Variants in CREB1 observed in about 807,000 individuals in gnomAD.
CREB1 encodes the protein cyclic AMP-responsive element-binding protein 1.
Under a neutral mutation model 42.0 loss-of-function variants are expected in CREB1, and 2 were observed. The observed-to-expected ratio is 0.05, with a 90% CI of 0.02 to 0.15. The LOEUF (loss-of-function observed/expected upper bound fraction) is 0.15. Ranked by LOEUF, CREB1 falls within the 10% of genes least tolerant of loss-of-function variation. CREB1 has a pLI of 1.00. For synonymous variants in CREB1, 123 were observed against 139.9 expected (o/e 0.88, Z 0.85); for missense variants, 199 against 388.9 (o/e 0.51, Z 4.11).
intron 4 of CREB1, among the ~76,000 whole-genome samples, chr2:207,568,991 G>C (rs1181419207): frequency 6.6e-6 from 1 of 151,826 alleles, no homozygotes; most frequent in Admixed American, 6.6e-5. Context: ...TTACTCTCTC[G>C]TTTATCCATC....
chr2:207,584,202 C>CTGTATATTTAA, intron 7 of CREB1, among the ~76,000 whole-genome samples: 1 of 152,206 alleles, frequency 6.6e-6, no homozygotes, highest in Non-Finnish European at 1.5e-5. Flanking sequence ...ATGTAACTAA[C>CTGTATATTTAA]TGTATATTTA....
chr2:207,550,535 G>C (rs1226857669), intron 1 of CREB1: 1 of 152,044 alleles, frequency 6.6e-6, no homozygotes, highest in East Asian at 1.9e-4. Flanking sequence ...ACTTGAACTA[G>C]AATGTTGACG....
intron 6 of CREB1, chr2:207,576,974 G>A (rs999135380): frequency 1.1e-6 from 1 of 878,892 alleles, no homozygotes; most frequent in African/African-American, 1.8e-5. Context: ...AATATAATTG[G>A]CATCAAGTGA....
rs1432799165 is a variant in CREB1, at chr2:207,603,240, CTA to C, written c.*6184_*6185del. The C allele has an allele frequency of 3.2e-5, 7 of 219,750 alleles. No homozygotes were observed. The highest frequency in any genetic ancestry group is 1.8e-4 in the South Asian group (1 of 5,412). The allele number at this position is 219,750 out of a possible 1,614,324, so 13.6% of individuals were successfully genotyped here. A position where few individuals can be genotyped will look rare whatever the true frequency, so the allele number is the denominator to read the frequency against. On this transcript the variant is annotated 3_prime_UTR_variant, in exon 8 of 8. Coordinates refer to ENST00000353267, the MANE Select transcript of CREB1 (RefSeq NM_004379.5). ...TGAGTTACAATGCATTTTATTAACA[CTA>C]TGTACATAATAGCTGCTTTGTGTTC...
Position 207,600,777 on chromosome 2 carries a change from C to G in CREB1, c.*3719C>G, listed in dbSNP as rs541159190. On this transcript the variant is annotated 3_prime_UTR_variant, in exon 8 of 8. Transcript: ENST00000353267. ...TCATCTGGCTGAAGTTTATCTCTGT[C>G]TCTCAGGATAAATCCCTGTAGGACA... is the stretch of plus-strand genomic sequence containing the variant. 4.8e-6 allele frequency: 1 copy of G among 210,080 alleles called. No homozygotes were observed. The highest frequency in any genetic ancestry group is 1.9e-4 in the South Asian group (1 of 5,336). The allele number at this position is 210,080 out of a possible 1,614,324, so 13.0% of individuals were successfully genotyped here.
At chr2:207,553,842 G>A (rs1452276555) in intron 1 of CREB1, among the ~76,000 whole-genome samples, 1 of 152,138 alleles carries the variant, frequency 6.6e-6, no homozygotes, top group Non-Finnish European at 1.5e-5. Context: ...TCTGTTCAGA[G>A]CTACTGCTTA....
chr2:207,581,348 A>C (rs1332030617), intron 7 of CREB1: 1 of 199,242 alleles, frequency 5.0e-6, no homozygotes, highest in Non-Finnish European at 1.0e-5. Context: ...ATATACAACT[A>C]GCCATTAAGA....
chr2:207,605,589 C>T lies in CREB1; in HGVS notation c.*8531C>T, dbSNP rs748406906. Among the ~76,000 whole-genome samples, 3 of 152,146 alleles carry T rather than the reference C, an allele frequency of 2.0e-5. No homozygotes were observed. The highest frequency in any genetic ancestry group is 4.4e-5 in the Non-Finnish European group (3 of 68,024). On this transcript the variant is annotated 3_prime_UTR_variant, in exon 8 of 8. Coordinates refer to ENST00000353267, the MANE Select transcript of CREB1 (RefSeq NM_004379.5). ...GTTTTTTGTGTTATGTTTTTTGTGACAGTCTGTGCATATATACACAAATAT... is the reference window on the plus strand; with the variant it reads ...GTTTTTTGTGTTATGTTTTTTGTGATAGTCTGTGCATATATACACAAATAT...
intron 7 of CREB1, among the ~76,000 whole-genome samples, chr2:207,592,587 ATTC>A (rs1490227760): frequency 2.6e-5 from 4 of 151,802 alleles, no homozygotes; most frequent in African/African-American, 9.7e-5. Context: ...TATTTATCTT[ATTC>A]TTCTTGTGTC....
rs758637516 is a variant in CREB1, at chr2:207,577,487, GCTCA to G, written c.689-15_689-12del. Reference sequence around the variant, plus strand: ...TTGCAATGTTTCTGTCTTACACCATGCTCACTGTTTTTTTCAGCTGCCTCTGGAG... The same window carrying G: ...TTGCAATGTTTCTGTCTTACACCATGCTGTTTTTTTCAGCTGCCTCTGGAG... On this transcript the variant is annotated splice_polypyrimidine_tract_variant and intron_variant, in intron 6 of 7. Coordinates refer to ENST00000353267, the MANE Select transcript of CREB1 (RefSeq NM_004379.5). 1.5e-5 allele frequency: 24 copies of G among 1,612,866 alleles called. No individual in the cohort carries two copies. The highest frequency in any genetic ancestry group is 2.0e-5 in the Non-Finnish European group (24 of 1,179,244).
chr2:207,550,498 T>C (rs1289114177), intron 1 of CREB1: 1 of 152,124 alleles, frequency 6.6e-6, no homozygotes, highest in African/African-American at 2.4e-5. Context: ...TACTAGGTTG[T>C]GGGGAAGATG....
At chr2:207,550,120 T>A (rs1233458310) in intron 1 of CREB1, 1 of 152,206 alleles carries the variant, frequency 6.6e-6, no homozygotes, top group Non-Finnish European at 1.5e-5. Flanking sequence ...TATTTTTAGT[T>A]AACATATCTG....
chr2:207,532,873 A>T (rs960247083), intron 1 of CREB1, among the ~76,000 whole-genome samples: 2 of 151,758 alleles, frequency 1.3e-5, no homozygotes, highest in Admixed American at 1.3e-4. Flanking sequence ...CTCCTGCCCC[A>T]GCCCCCCGAG....
At chr2:207,540,896 C>T (rs2081075585) in intron 1 of CREB1, among the ~76,000 whole-genome samples, 1 of 151,998 alleles carries the variant, frequency 6.6e-6, no homozygotes, top group African/African-American at 2.4e-5. Context: ...TAATGTATTA[C>T]TGATGAAAGA....
intron 7 of CREB1, among the ~76,000 whole-genome samples, chr2:207,588,730 T>A (rs1354375216): frequency 1.8e-4 from 1 of 5,596 alleles, no homozygotes; most frequent in Non-Finnish European, 7.2e-3. Flanking sequence ...GTTTTCTGGT[T>A]TTTTTTTTTT....
intron 7 of CREB1, among the ~76,000 whole-genome samples, chr2:207,596,669 G>A (rs1466016305): frequency 6.6e-6 from 1 of 152,208 alleles, no homozygotes; most frequent in Non-Finnish European, 1.5e-5. Context: ...CTGACCTCAG[G>A]TGATCTCCCT....
rs1342323936 is a variant in CREB1 at position 207,597,923 on chromosome 2, T to C, written c.*865T>C. On this transcript the variant is annotated 3_prime_UTR_variant, in exon 8 of 8. Transcript: ENST00000353267. The stretch of plus-strand genomic sequence containing the variant: ...AATCCCTTGAGTTATATAACAAGAT[T>C]TTTAAATAAATGTTATTGTCCTCAC... 5.4e-6 allele frequency: 1 copy of C among 185,884 alleles called. No homozygotes were observed. The highest frequency in any genetic ancestry group is 8.7e-5 in the East Asian group (1 of 11,532). 11.5% of individuals were successfully genotyped at this position (185,884 alleles called of 1,614,324 possible).
intron 3 of CREB1, 46 bp downstream of exon 3, chr2:207,560,418 A>T: frequency 1.5e-5 from 23 of 1,569,770 alleles, no homozygotes; most frequent in Non-Finnish European, 1.9e-5. Flanking sequence ...ACTTTTGTTT[A>T]TAGCCATATC....
chr2:207,588,135 A>ATTT (rs1553507837), intron 7 of CREB1, among the ~76,000 whole-genome samples: 2 of 9,564 alleles, frequency 2.1e-4, no homozygotes, highest in Non-Finnish European at 4.3e-3. Context: ...TATCACACAG[A>ATTT]CTTCGTTTTC....
Sources: gnomAD v4.1 joint callset for allele counts (sites outside exome capture counted in the v4.1 genomes callset) on GRCh38, gnomAD v4.1.1 for gene constraint, MANE v1.5 for transcripts, NCBI Gene and HGNC (gene_info 2026-07-23, HGNC 2026-07-21) for gene names.